MYOM3: variants seen among roughly 807,000 people sequenced by gnomAD.
The protein encoded by MYOM3 is myomesin-3.
A neutral mutation model predicts 191.7 loss-of-function variants in MYOM3; 155 were observed. That is an observed-to-expected ratio of 0.81 (90% confidence interval 0.71 to 0.92). MYOM3 has a LOEUF of 0.92. Ranked by LOEUF, MYOM3 falls within the 40% of genes least tolerant of loss-of-function variation. The probability of loss-of-function intolerance (pLI) is 0.00; values close to 1 mark genes in which losing one functional copy is unlikely to be tolerated. For missense variants in MYOM3, 1,889 were observed against 1,890.6 expected (o/e 1.00, Z 0.02); for synonymous variants, 757 against 762.9 (o/e 0.99, Z 0.13).
chr1:24,090,217 T>G, intron 12 of MYOM3, 99 bp from the exon 13 acceptor site: 1 of 1,001,842 alleles, frequency 1.0e-6, no homozygotes, highest in Non-Finnish European at 1.6e-6. Context: ...CCCGTCCCAG[T>G]CCTGGCCTTG....
At chr1:24,095,024 T>C in intron 8 of MYOM3, 34 bp from the exon 9 acceptor site, 1 of 1,602,374 alleles carries the variant, frequency 6.2e-7, no homozygotes, top group Non-Finnish European at 8.5e-7. Context: ...GCAGAAGTTT[T>C]TGAGGCAGCC....
At chr1:24,065,276 C>T (rs1375470730) in intron 29 of MYOM3, among the ~76,000 whole-genome samples, 1 of 152,212 alleles carries the variant, frequency 6.6e-6, no homozygotes, top group Non-Finnish European at 1.5e-5. Flanking sequence ...CTCCAGTCCT[C>T]CTGGGCACCC....
intron 11 of MYOM3, 130 bp downstream of exon 11, chr1:24,092,044 T>C (rs1031169197): frequency 1.0e-5 from 9 of 864,030 alleles, no homozygotes; most frequent in Non-Finnish European, 9.7e-6. Flanking sequence ...GCCTGTCTCC[T>C]GTCCTTTTCT....
At position 24,081,591 on chromosome 1, in the gene MYOM3, C is replaced by G. The variant is rs1643669478; in HGVS notation, c.2281-135G>C. ...TTATTTTTATTTTTTGAGACATGGT[C>G]TCACTTTGTCACCCAGGCTGGAGTG... On this transcript the variant is annotated intron_variant, in intron 18 of 36. Coordinates refer to ENST00000374434, the MANE Select transcript of MYOM3 (RefSeq NM_152372.4). 1.1e-5 allele frequency: 12 copies of G among 1,059,726 alleles called. No individual in the cohort carries two copies. In the South Asian group the frequency reaches 1.8e-4, roughly 16 times the overall value. The allele number at this position is 1,059,726 out of a possible 1,614,324, so 65.6% of individuals were successfully genotyped here.
rs1453831307 is a variant in MYOM3 at position 24,063,084 on chromosome 1, C to G, written c.3770+42G>C. 1 of 1,417,822 alleles carries G rather than the reference C, an allele frequency of 7.1e-7. No individual in the cohort carries two copies. Among genetic ancestry groups the G allele is most frequent in the Admixed American group, 1.7e-5 (1 of 59,366 alleles). 87.8% of individuals were successfully genotyped at this position (1,417,822 alleles called of 1,614,324 possible). Reference sequence around the variant, plus strand: ...GGCCCCCATGGGTCAGGTGCTGAATCCTTTCCAGCCTGGCTGGGGTTCTGG... The same window carrying G: ...GGCCCCCATGGGTCAGGTGCTGAATGCTTTCCAGCCTGGCTGGGGTTCTGG... On this transcript the variant is annotated intron_variant, in intron 32 of 36. Transcript: ENST00000374434. The surrounding 1 kb of genome is among the most constrained non-coding windows in gnomAD (Gnocchi z 4.5).
At chr1:24,104,760 A>G (rs779511316) in intron 5 of MYOM3, among the ~76,000 whole-genome samples, 5 of 152,084 alleles carry the variant, frequency 3.3e-5, no homozygotes, top group African/African-American at 4.8e-5. Flanking sequence ...GCTGCCCAAG[A>G]TGTTCTCAAA....
At chr1:24,082,866 C>A in intron 16 of MYOM3, 152 bp from the exon 17 acceptor site, 6 of 875,126 alleles carry the variant, frequency 6.9e-6, no homozygotes, top group African/African-American at 1.7e-5. Context: ...CCCTTGATCC[C>A]ATGGCAATGC....
intron 17 of MYOM3, 64 bp from the exon 18 acceptor site, chr1:24,082,252 C>A (rs1570869976): frequency 4.9e-6 from 7 of 1,419,218 alleles, no homozygotes; most frequent in East Asian, 4.9e-5. Context: ...GACAGTGGGG[C>A]CTGAGGGAGC....
Position 24,086,632 on chromosome 1 carries a change from T to C in MYOM3, c.1798+12A>G. On this transcript the variant is annotated intron_variant, in intron 15 of 36. Transcript: ENST00000374434. The stretch of plus-strand genomic sequence containing the variant: ...CCTGCCTCCTCCCCGACCCCCGGCA[T>C]CAGGAGGGTACCTGGCGGGCCCCGC... The C allele has an allele frequency of 6.2e-7, 1 of 1,611,514 alleles. No individual in the cohort carries two copies. The highest frequency in any genetic ancestry group is 8.5e-7 in the Non-Finnish European group (1 of 1,178,480).
chr1:24,107,971 C>T, intron 3 of MYOM3, 22 bp downstream of exon 3: 1 of 1,606,932 alleles, frequency 6.2e-7, no homozygotes, highest in Non-Finnish European at 8.5e-7. Flanking sequence ...CCACGGCTCC[C>T]TGGGAAGCTT....
chr1:24,095,692 C>T (rs1045825321), intron 7 of MYOM3, among the ~76,000 whole-genome samples: 2 of 152,150 alleles, frequency 1.3e-5, no homozygotes, highest in African/African-American at 4.8e-5. Context: ...GAGCAAGGAA[C>T]GAGCGGGTTC....
rs1044085485 is a variant in MYOM3 at position 24,087,799 on chromosome 1, C to A, written c.1615-972G>T. 1.3e-5 allele frequency among the ~76,000 whole-genome samples: 2 copies of A among 152,222 alleles called. No individual in the cohort carries two copies. The highest frequency in any genetic ancestry group is 4.8e-5 in the African/African-American group (2 of 41,456). ...TGATTTACTCCATTTATCATTGGCA[C>A]CCCCTCCCCTGACTGCCGTGTCCCT... is the stretch of plus-strand genomic sequence containing the variant. On this transcript the variant is annotated intron_variant, in intron 14 of 36. Transcript: ENST00000374434. This position sits in a 1 kb window ranked among gnomAD's most constrained non-coding sequence, Gnocchi z 4.5.
In MYOM3 at chr1:24,098,109, G is replaced by A. The variant is rs1231810490; in HGVS notation, c.657-98C>T. ...GTGGGAAAGGCTGGAACTAAGGAAA[G>A]CCTCACGGTGCCAGGAAGAGACTTT... On this transcript the variant is annotated intron_variant, in intron 6 of 36. Coordinates refer to ENST00000374434, the MANE Select transcript of MYOM3 (RefSeq NM_152372.4). The A allele has an allele frequency of 3.8e-5, 30 of 796,148 alleles. No homozygotes were observed. In the East Asian group the frequency reaches 7.1e-4, roughly 19 times the overall value. 49.3% of individuals were successfully genotyped at this position (796,148 alleles called of 1,614,324 possible). A position where few individuals can be genotyped will look rare whatever the true frequency, so the allele number is the denominator to read the frequency against.
At chr1:24,103,016 C>T (rs766669912) in intron 5 of MYOM3, among the ~76,000 whole-genome samples, 2 of 152,202 alleles carry the variant, frequency 1.3e-5, no homozygotes, top group Non-Finnish European at 2.9e-5. Context: ...GCCAGGAGTG[C>T]CAGGGGCCAC....
At chr1:24,102,011 G>T (rs1643940657) in intron 5 of MYOM3, among the ~76,000 whole-genome samples, 1 of 152,102 alleles carries the variant, frequency 6.6e-6, no homozygotes, top group East Asian at 1.9e-4. Context: ...CCCCTCTCTG[G>T]GCCTCTGTGT....
intron 22 of MYOM3, among the ~76,000 whole-genome samples, chr1:24,075,076 A>AAAAAGAAAAGAAAAG (rs66516438): frequency 0.011 from 1,630 of 150,488 alleles, 26 homozygotes; most frequent in African/African-American, 0.037. Context: ...CCTGTCTCAA[A>AAAAAGAAAAGAAAAG]AAAAGAAAAG....
chr1:24,093,837 C>T (rs1643864477), intron 9 of MYOM3, among the ~76,000 whole-genome samples: 2 of 152,172 alleles, frequency 1.3e-5, no homozygotes, highest in Admixed American at 6.5e-5. Context: ...GTGCAGCCTC[C>T]CTGGGCTCAG....
chr1:24,064,250 C>G, intron 29 of MYOM3, 91 bp from the exon 30 acceptor site: 1 of 919,482 alleles, frequency 1.1e-6, no homozygotes. Flanking sequence ...CCAGGCCTGC[C>G]CCTCACTCTC....
chr1:24,082,684 CT>C lies in MYOM3; in HGVS notation c.2000del (p.Lys667ArgfsTer15), dbSNP rs773813839. 1.2e-6 allele frequency: 2 copies of C among 1,611,464 alleles called. No individual in the cohort carries two copies. The highest frequency in any genetic ancestry group is 2.2e-5 in the East Asian group (1 of 44,576). ...CTGACCTGACACAAAACTCGTACTC[CT>C]TCCCCGTCCTCAGCCCGGGAACTGT... ...RFTVPGLRTGKEYEFCVRSVS... is the reference protein window; with the variant it reads ...RFTVPGLRTGXEYEFCVRSVS... On this transcript the variant is annotated frameshift_variant, in exon 17 of 37. Coordinates refer to ENST00000374434, the MANE Select transcript of MYOM3 (RefSeq NM_152372.4). LOFTEE classifies it high-confidence loss of function.
Sources: gnomAD v4.1 joint callset for allele counts (sites outside exome capture counted in the v4.1 genomes callset) on GRCh38, gnomAD v4.1.1 for gene constraint, Gnocchi (gnomAD v3.1) non-coding constraint, MANE v1.5 for transcripts, NCBI Gene and HGNC (gene_info 2026-07-23, HGNC 2026-07-21) for gene names.